TMEM117: variants seen among roughly 807,000 people sequenced by gnomAD.
TMEM117 encodes transmembrane protein 117.
A neutral mutation model predicts 52.4 loss-of-function variants in TMEM117; 27 were observed. The ratio of observed to expected loss-of-function variants is 0.51; its 90% CI spans 0.38 to 0.71. The LOEUF is 0.71. TMEM117 is among the 30% of genes least tolerant of loss of function. The pLI is 0.00. For synonymous variants in TMEM117, 215 were observed against 206.3 expected (o/e 1.04, Z -0.36); for missense variants, 556 against 630.5 (o/e 0.88, Z 1.26).
At chr12:44,345,529 A>G (rs1364826982) in intron 6 of TMEM117, among the ~76,000 whole-genome samples, 1 of 152,140 alleles carries the variant, frequency 6.6e-6, no homozygotes, top group Non-Finnish European at 1.5e-5. Context: ...TGATGATTAA[A>G]TAAGAAAATA....
chr12:44,077,521 G>T (rs1179600942), intron 3 of TMEM117, among the ~76,000 whole-genome samples: 1 of 151,982 alleles, frequency 6.6e-6, no homozygotes, highest in African/African-American at 2.4e-5. Flanking sequence ...CCTTTAACGT[G>T]GCCAAACATC....
chr12:44,292,556 T>C (rs1212427658), intron 5 of TMEM117, among the ~76,000 whole-genome samples: 1 of 152,028 alleles, frequency 6.6e-6, no homozygotes, highest in Non-Finnish European at 1.5e-5. Flanking sequence ...TTTAGCGTTT[T>C]ATTTGGGATC....
chr12:43,804,158 T>C, the TMEM117 span: 2 of 387,100 alleles, frequency 5.2e-6, no homozygotes, highest in African/African-American at 2.1e-5. Context: ...GTAACTATTT[T>C]TTTTTTTTGA....
At chr12:44,355,330 C>T (rs1951631752) in intron 6 of TMEM117, among the ~76,000 whole-genome samples, 1 of 151,906 alleles carries the variant, frequency 6.6e-6, no homozygotes, top group Admixed American at 6.6e-5. Flanking sequence ...GCATTAATTC[C>T]TTTTGATTTG....
chr12:44,047,135 A>G (rs1040064498), intron 3 of TMEM117, among the ~76,000 whole-genome samples: 15 of 151,942 alleles, frequency 9.9e-5, no homozygotes, highest in Admixed American at 2.0e-4. Flanking sequence ...GTGTGTGTGT[A>G]TATATATATA....
intron 2 of TMEM117, among the ~76,000 whole-genome samples, chr12:43,897,718 C>T (rs1255299045): frequency 6.6e-6 from 1 of 152,024 alleles, no homozygotes; most frequent in East Asian, 1.9e-4. Flanking sequence ...AGCCATTCTC[C>T]TGCCTCAGCC....
chr12:43,827,808 G>T, the TMEM117 span, among the ~76,000 whole-genome samples: 1 of 152,190 alleles, frequency 6.6e-6, no homozygotes, highest in Non-Finnish European at 1.5e-5. Context: ...CTTTGCAGGT[G>T]TAATTAGTTA....
chr12:44,369,168 C>T (rs981986790), intron 6 of TMEM117, among the ~76,000 whole-genome samples: 5 of 152,138 alleles, frequency 3.3e-5, no homozygotes, highest in African/African-American at 4.8e-5. Context: ...CATTTCTATT[C>T]GTTGTAAACA....
In TMEM117 at chr12:44,115,386, A is replaced by T. The variant is rs576992903; in HGVS notation, c.411-28139A>T. 8.5e-3 allele frequency among the ~76,000 whole-genome samples: 1,291 copies of T among 152,316 alleles called. 13 individuals carry two copies. Among genetic ancestry groups the T allele is most frequent in the African/African-American group, 0.03 (1,227 of 41,564 alleles). On this transcript the variant is annotated intron_variant, in intron 3 of 7. Coordinates refer to ENST00000266534, the MANE Select transcript of TMEM117 (RefSeq NM_032256.3). ...GTCGACTTAATGGGTGCAGCACACAAACATGGCACATGTATACATATGTAC... is the reference window on the plus strand; with the variant it reads ...GTCGACTTAATGGGTGCAGCACACATACATGGCACATGTATACATATGTAC...
At chr12:43,900,717 C>CAA (rs11381879) in intron 2 of TMEM117, among the ~76,000 whole-genome samples, 3,270 of 145,264 alleles carry the variant, frequency 0.023, 100 homozygotes, top group African/African-American at 0.072. Flanking sequence ...GACTTTGTCT[C>CAA]AAAAAAAAAA....
intron 5 of TMEM117, chr12:44,248,741 T>A (rs1432728128): frequency 2.4e-5 from 4 of 167,846 alleles, no homozygotes; most frequent in African/African-American, 9.6e-5. Flanking sequence ...TGTTCCACAG[T>A]GCCTGATGCA....
At chr12:44,256,036 G>A (rs1001101395) in intron 5 of TMEM117, among the ~76,000 whole-genome samples, 6 of 151,760 alleles carry the variant, frequency 4.0e-5, no homozygotes, top group Admixed American at 6.6e-5. Context: ...ATTTATATAA[G>A]TCATTTATAA....
At chr12:43,950,850 G>T (rs1945209055) in intron 3 of TMEM117, among the ~76,000 whole-genome samples, 1 of 152,182 alleles carries the variant, frequency 6.6e-6, no homozygotes, top group Non-Finnish European at 1.5e-5. Context: ...GAAGATGGTG[G>T]GAGGGGCCAA....
chr12:44,345,860 G>A (rs930755522), intron 6 of TMEM117, among the ~76,000 whole-genome samples: 10 of 152,064 alleles, frequency 6.6e-5, no homozygotes, highest in Non-Finnish European at 1.5e-5. Context: ...TCAGGGTTCT[G>A]TAAATAGGAT....
chr12:44,008,952 TTG>T (rs1364828360), intron 3 of TMEM117: 8 of 378,514 alleles, frequency 2.1e-5, no homozygotes, highest in Non-Finnish European at 3.2e-5. Flanking sequence ...CATCTAAACC[TTG>T]TGTCACATTG....
chr12:44,353,009 C>T (rs1242439795), intron 6 of TMEM117, among the ~76,000 whole-genome samples: 1 of 152,098 alleles, frequency 6.6e-6, no homozygotes, highest in East Asian at 1.9e-4. Context: ...GAGATGGTAT[C>T]TCATTGTGGT....
At chr12:44,246,768 T>TTG (rs1384324119) in intron 5 of TMEM117, among the ~76,000 whole-genome samples, 1 of 152,196 alleles carries the variant, frequency 6.6e-6, no homozygotes, top group Non-Finnish European at 1.5e-5. Flanking sequence ...ACAGTAACAG[T>TTG]CTCAATGGAG....
chr12:44,267,538 T>A (rs752994510), intron 5 of TMEM117, among the ~76,000 whole-genome samples: 1 of 152,204 alleles, frequency 6.6e-6, no homozygotes, highest in Non-Finnish European at 1.5e-5. Flanking sequence ...GAATAATTAA[T>A]GTTAAGATTT....
At chr12:44,055,620 T>A (rs755752367) in intron 3 of TMEM117, among the ~76,000 whole-genome samples, 2 of 152,142 alleles carry the variant, frequency 1.3e-5, no homozygotes, top group Non-Finnish European at 2.9e-5. Flanking sequence ...TGTGTCTCCA[T>A]TTTCCTCATT....
Sources: allele counts gnomAD v4.1 joint callset (sites outside exome capture counted in the v4.1 genomes callset), GRCh38; gene constraint gnomAD v4.1.1; transcripts MANE v1.5; gene names NCBI Gene and HGNC (gene_info 2026-07-23, HGNC 2026-07-21).